Variants in BRD7 observed in about 807,000 individuals in gnomAD.
BRD7 encodes the protein bromodomain containing 7.
BRD7 carries 15 observed loss-of-function variants against 82.1 expected under a neutral mutation model. The observed-to-expected ratio is 0.18, with a 90% CI of 0.12 to 0.28. The LOEUF (loss-of-function observed/expected upper bound fraction) is 0.28, where lower values mean the gene tolerates loss of function less well. BRD7 is among the 10% of genes least tolerant of loss of function. The probability of loss-of-function intolerance (pLI) is 1.00; values close to 1 mark genes in which losing one functional copy is unlikely to be tolerated. For missense variants in BRD7, 638 were observed against 779.9 expected, an observed-to-expected ratio of 0.82 and a Z score of 2.17; for synonymous variants, 232 against 266.9, an observed-to-expected ratio of 0.87 and a Z score of 1.27.
At chr16:50,332,850 A>G (rs1019411657) in intron 8 of BRD7, among the ~76,000 whole-genome samples, 1 of 152,226 alleles carries the variant, frequency 6.6e-6, no homozygotes, top group African/African-American at 2.4e-5. Flanking sequence ...ATGAAGACGG[A>G]GGCCACTATC....
intron 1 of BRD7, 47 bp downstream of exon 1, chr16:50,368,679 G>A: frequency 2.0e-6 from 3 of 1,534,210 alleles, no homozygotes; most frequent in East Asian, 2.8e-5. Context: ...CGGAAGCCCG[G>A]CAGAGCCGCC....
rs1350865015 is a variant in BRD7 at position 50,320,365 on chromosome 16, C to A, written c.1639G>T (p.Asp547Tyr). 2 of 1,613,740 alleles carry A rather than the reference C, an allele frequency of 1.2e-6. No individual in the cohort carries two copies. The highest frequency in any genetic ancestry group is 4.5e-5 in the East Asian group (2 of 44,884). ...EEAEIFQKKL[D>Y]ETTRLLRELQ... ...TCCCTGAGCAATCTGGTGGTCTCAT[C>A]AAGTTTCTTCTGGAATATTTCAGCT... The change falls in exon 15 of 17, where the codon GAT becomes TAT. Residue 547 changes from aspartate to tyrosine, a missense_variant. This residue lies in a region of BRD7 where 402 missense variants were observed against 500.8 expected (regional missense o/e 0.80). Coordinates refer to ENST00000394688, the MANE Select transcript of BRD7 (RefSeq NM_013263.5).
chr16:50,341,816 T>C (rs1037904790), intron 5 of BRD7, among the ~76,000 whole-genome samples: 2 of 151,666 alleles, frequency 1.3e-5, no homozygotes, highest in East Asian at 3.9e-4. Context: ...ACAGGACTGA[T>C]CTATTAAGCC....
chr16:50,345,032 C>T (rs1468690011), intron 5 of BRD7, among the ~76,000 whole-genome samples: 3 of 152,138 alleles, frequency 2.0e-5, no homozygotes, highest in African/African-American at 4.8e-5. Flanking sequence ...GTCAGGTTAC[C>T]CACCAAAGGG....
chr16:50,350,850 A>G (rs1304714372), intron 4 of BRD7, among the ~76,000 whole-genome samples: 1 of 152,232 alleles, frequency 6.6e-6, no homozygotes, highest in African/African-American at 2.4e-5. Context: ...AATGCGGGGA[A>G]GAAGCGGGAG....
At chr16:50,319,407 T>A (rs2036970418) in intron 16 of BRD7, 141 bp from the exon 17 acceptor site, 1 of 670,870 alleles carries the variant, frequency 1.5e-6, no homozygotes, top group African/African-American at 1.8e-5. Flanking sequence ...ACTACGCGCA[T>A]TATCAGGTGA....
Position 50,354,809 on chromosome 16 carries a change from A to G in BRD7, c.372T>C (p.Ser124=). Residue 124 remains serine (S), a synonymous_variant, in exon 3 of 17, where the codon TCT becomes TCC. Transcript: ENST00000394688. Reference sequence around the variant, plus strand: ...TATTCCAACCTTCTTGTTTGGCTAAAGAGCTTGTGAGAGGCTTCTCAGGAG... The same window carrying G: ...TATTCCAACCTTCTTGTTTGGCTAAGGAGCTTGTGAGAGGCTTCTCAGGAG... The part of the protein sequence containing the change: ...DLPPEKPLTS[S]LAKQEEVEQT... The G allele has an allele frequency of 1.2e-6, 2 of 1,611,704 alleles. No homozygotes were observed. Among genetic ancestry groups the G allele is most frequent in the Non-Finnish European group, 1.7e-6 (2 of 1,179,788 alleles).
intron 2 of BRD7, 26 bp from the exon 3 acceptor site, chr16:50,354,948 T>C: frequency 1.2e-6 from 2 of 1,606,708 alleles, no homozygotes; most frequent in Non-Finnish European, 1.7e-6. Context: ...GGAGATAATT[T>C]AGAAATATTT....
At chr16:50,337,011 C>T (rs1597052175) in intron 6 of BRD7, among the ~76,000 whole-genome samples, 1 of 152,140 alleles carries the variant, frequency 6.6e-6, no homozygotes, top group African/African-American at 2.4e-5. Flanking sequence ...GACACAACTC[C>T]ATGAGGTAAG....
At chr16:50,322,583 T>C (rs1197698750) in intron 12 of BRD7, among the ~76,000 whole-genome samples, 1 of 152,222 alleles carries the variant, frequency 6.6e-6, no homozygotes, top group African/African-American at 2.4e-5. Context: ...CAATTCCCAA[T>C]TTCTAAAAAT....
At chr16:50,354,616 G>T in intron 3 of BRD7, 134 bp from the exon 4 acceptor site, 1 of 1,200,534 alleles carries the variant, frequency 8.3e-7, no homozygotes, top group Non-Finnish European at 1.2e-6. Flanking sequence ...ATATATTGAA[G>T]TTTGAGAGTA....
At chr16:50,334,949 A>G in intron 6 of BRD7, 54 bp from the exon 7 acceptor site, 1 of 1,532,920 alleles carries the variant, frequency 6.5e-7, no homozygotes, top group Non-Finnish European at 8.8e-7. Context: ...CTTTTAAAGT[A>G]ATGCATTTTT....
chr16:50,339,072 A>G (rs578080480), intron 6 of BRD7, among the ~76,000 whole-genome samples: 1 of 152,350 alleles, frequency 6.6e-6, no homozygotes, highest in South Asian at 2.1e-4. Context: ...GCCACTGTGT[A>G]TAATATCTCA....
intron 2 of BRD7, among the ~76,000 whole-genome samples, chr16:50,362,313 C>T (rs1021411656): frequency 6.6e-6 from 1 of 152,148 alleles, no homozygotes; most frequent in African/African-American, 2.4e-5. Flanking sequence ...GATTAAAGAC[C>T]TCTTAAGGGC....
At chr16:50,352,539 C>A (rs1276018194) in intron 4 of BRD7, among the ~76,000 whole-genome samples, 1 of 152,172 alleles carries the variant, frequency 6.6e-6, no homozygotes, top group Non-Finnish European at 1.5e-5. Flanking sequence ...ATACTGATTT[C>A]ATTACCTTTG....
chr16:50,366,557 A>G (rs1213401162), intron 2 of BRD7, among the ~76,000 whole-genome samples: 1 of 152,260 alleles, frequency 6.6e-6, no homozygotes, highest in Non-Finnish European at 1.5e-5. Flanking sequence ...GATTTAACCA[A>G]TAATTGTGAT....
intron 2 of BRD7, among the ~76,000 whole-genome samples, chr16:50,356,820 T>C (rs1387342005): frequency 2.0e-5 from 3 of 152,184 alleles, no homozygotes; most frequent in Non-Finnish European, 2.9e-5. Flanking sequence ...ATGGTAGTTT[T>C]ATTATTCTCT....
At chr16:50,342,498 G>A (rs144069366) in intron 5 of BRD7, among the ~76,000 whole-genome samples, 32 of 115,340 alleles carry the variant, frequency 2.8e-4, no homozygotes, top group Non-Finnish European at 4.4e-4. Flanking sequence ...TCACTCTGTC[G>A]CAAGCTCTGC....
chr16:50,329,841 G>A (rs1055576107), intron 8 of BRD7, among the ~76,000 whole-genome samples: 13 of 152,084 alleles, frequency 8.5e-5, no homozygotes, highest in African/African-American at 3.1e-4. Flanking sequence ...TTCAAATGTC[G>A]GCTCAGTTAA....
Sources: allele counts gnomAD v4.1 joint callset (sites outside exome capture counted in the v4.1 genomes callset), GRCh38; gene constraint gnomAD v4.1.1; regional missense constraint gnomAD v4.1.1; transcripts MANE v1.5; gene names NCBI Gene and HGNC (gene_info 2026-07-23, HGNC 2026-07-21).